The following DNAH6 variants were observed in gnomAD, a reference collection of about 807,000 sequenced individuals.
DNAH6 encodes axonemal beta dynein heavy chain 6.
In DNAH6, 340 loss-of-function variants were observed where a neutral mutation model predicts 491.4. The ratio of observed to expected loss-of-function variants is 0.69; its 90% confidence interval spans 0.63 to 0.76. The LOEUF (loss-of-function observed/expected upper bound fraction) is 0.76. Among genes scored for constraint, DNAH6 ranks in the 30% least tolerant of loss-of-function variants. The probability of loss-of-function intolerance (pLI) is 0.00; values close to 1 mark genes in which losing one functional copy is unlikely to be tolerated. For synonymous variants in DNAH6, 1,603 were observed against 1,686.1 expected (o/e 0.95, Z 1.21); for missense variants, 4,443 against 4,972.2 (o/e 0.89, Z 3.20).
Position 84,814,093 on chromosome 2 carries a change from T to G in DNAH6, c.12121T>G (p.Phe4041Val), listed in dbSNP as rs983757062. The change falls in exon 75 of 77, where the codon TTT (phenylalanine) becomes GTT (valine). Residue 4041 changes from phenylalanine (F) to valine (V), a missense_variant. Physicochemically the swap from Phe to Val is conservative, Grantham distance 50. Around this residue, in one of 3 missense-constraint regions of DNAH6, gnomAD observed 1,463 missense variants for 1,656.6 expected, o/e 0.88. Coordinates refer to ENST00000389394, the MANE Select transcript of DNAH6 (RefSeq NM_001370.2). ...GATAGAAGCTGCCAAGACAGTGCAA[T>G]TTGGACAAGAACTGCCCATGGACAT... is the stretch of plus-strand genomic sequence containing the variant. ...AVIEAAKTVQ[F>V]GQELPMDMEL... is the part of the protein sequence containing the mutation. 6.4e-7 allele frequency: 1 copy of G among 1,551,692 alleles called. No individual in the cohort carries two copies. Among genetic ancestry groups the G allele is most frequent in the Admixed American group, 2.0e-5 (1 of 51,010 alleles).
At chr2:84,508,487 T>C in the DNAH6 span, among the ~76,000 whole-genome samples, 14,262 of 152,250 alleles carry the variant, frequency 0.094, 789 homozygotes, top group Non-Finnish European at 0.12. Context: ...GCTAGCGGCC[T>C]ATGAATTTTG....
At chr2:84,752,613 C>G (rs994726146) in intron 63 of DNAH6, among the ~76,000 whole-genome samples, 39 of 151,870 alleles carry the variant, frequency 2.6e-4, no homozygotes, top group Admixed American at 2.3e-3. Context: ...CGTCATCCCC[C>G]AGTGCCATCA....
At chr2:84,793,409 G>C (rs185816637) in intron 68 of DNAH6, among the ~76,000 whole-genome samples, 2 of 152,188 alleles carry the variant, frequency 1.3e-5, no homozygotes, top group African/African-American at 2.4e-5. Flanking sequence ...CTGTTGATTT[G>C]TAAGGAAAAC....
intron 60 of DNAH6, among the ~76,000 whole-genome samples, chr2:84,725,099 T>C (rs1293051245): frequency 6.6e-6 from 1 of 152,212 alleles, no homozygotes; most frequent in East Asian, 1.9e-4. Context: ...ACCAATCCCA[T>C]ATCCCCAATG....
chr2:84,710,337 T>A lies in DNAH6; in HGVS notation c.9303T>A (p.Ile3101=). 1 of 1,551,734 alleles carries A rather than the reference T, an allele frequency of 6.4e-7. No individual in the cohort carries two copies. The highest frequency in any genetic ancestry group is 8.7e-7 in the Non-Finnish European group (1 of 1,146,988). ...AAAGCAAAAGTGGTTTAAAGATCAT[T>A]AAGCTTACAGATAGTAATTTCTTAC... The part of the protein sequence containing the change: ...NKESKSGLKI[I]KLTDSNFLRI... The change falls in exon 56 of 77, where the codon ATT becomes ATA. Residue 3101 remains isoleucine, a synonymous_variant. Coordinates refer to ENST00000389394, the MANE Select transcript of DNAH6 (RefSeq NM_001370.2).
intron 62 of DNAH6, among the ~76,000 whole-genome samples, chr2:84,738,515 C>G (rs945621639): frequency 2.0e-5 from 3 of 152,132 alleles, no homozygotes; most frequent in African/African-American, 4.8e-5. Flanking sequence ...TTTTATAAGT[C>G]TGGGTACTCC....
chr2:84,746,066 A>C (rs1284902402), intron 63 of DNAH6, among the ~76,000 whole-genome samples: 1 of 152,222 alleles, frequency 6.6e-6, no homozygotes, highest in Non-Finnish European at 1.5e-5. Context: ...GCCAACAACT[A>C]AGCAAATGAG....
intron 33 of DNAH6, among the ~76,000 whole-genome samples, chr2:84,644,404 C>G (rs1362492450): frequency 2.0e-5 from 3 of 152,078 alleles, no homozygotes; most frequent in Non-Finnish European, 2.9e-5. Flanking sequence ...GATTTCTTTT[C>G]TTTTTCAAAT....
Position 84,658,321 on chromosome 2 carries a change from G to C in DNAH6, c.5787G>C (p.Leu1929Phe). 6.5e-7 allele frequency: 1 copy of C among 1,539,488 alleles called. No individual in the cohort carries two copies. Among genetic ancestry groups the C allele is most frequent in the Non-Finnish European group, 8.8e-7 (1 of 1,141,586 alleles). Residue 1929 changes from leucine (L) to phenylalanine (F), a missense_variant, in exon 36 of 77, where the codon TTG becomes TTC. By Grantham distance (22) the Leu-to-Phe change is conservative (BLOSUM62 0). Coordinates refer to ENST00000389394, the MANE Select transcript of DNAH6 (RefSeq NM_001370.2). ...CTGAGGAAACCCAAGAATATATATT[G>C]AATCTTTTCCAACGTTATGTTGATG... ...KLTEETQEYI[L>F]NLFQRYVDEG...
At chr2:84,753,418 G>A (rs1037098238) in intron 63 of DNAH6, among the ~76,000 whole-genome samples, 1 of 150,806 alleles carries the variant, frequency 6.6e-6, no homozygotes, top group African/African-American at 2.4e-5. Flanking sequence ...TTCTTCTGTT[G>A]CTTGTGCTTT....
intron 64 of DNAH6, among the ~76,000 whole-genome samples, chr2:84,773,526 C>T (rs1214978297): frequency 6.6e-6 from 1 of 152,018 alleles, no homozygotes; most frequent in Non-Finnish European, 1.5e-5. Flanking sequence ...ATTGTGAATA[C>T]TGCAAGTGCA....
In DNAH6 at chr2:84,595,930, T is replaced by C. The variant is rs941845252; in HGVS notation, c.2868+141T>C. 2.7e-5 allele frequency: 26 copies of C among 971,538 alleles called. No individual in the cohort carries two copies. The African/African-American group carries it at 3.7e-4, about 14-fold the overall frequency. 60.2% of individuals were successfully genotyped at this position (971,538 alleles called of 1,614,324 possible). Reference sequence around the variant, plus strand: ...AAAAACAATAGTCAAATTCATTTTTTTGCAGTGGCACAGACTGCATTCCTG... The same window carrying C: ...AAAAACAATAGTCAAATTCATTTTTCTGCAGTGGCACAGACTGCATTCCTG... On this transcript the variant is annotated intron_variant, in intron 18 of 76. Coordinates refer to ENST00000389394, the MANE Select transcript of DNAH6 (RefSeq NM_001370.2).
intron 33 of DNAH6, among the ~76,000 whole-genome samples, chr2:84,643,986 G>A (rs1278334020): frequency 6.6e-6 from 1 of 151,996 alleles, no homozygotes; most frequent in East Asian, 1.9e-4. Flanking sequence ...TGGACATGAT[G>A]TACTGGTTAA....
intron 11 of DNAH6, among the ~76,000 whole-genome samples, chr2:84,571,157 G>C: frequency 6.6e-6 from 1 of 152,208 alleles, no homozygotes; most frequent in East Asian, 1.9e-4. Flanking sequence ...GAATGAGTGA[G>C]AAGAGAAAGT....
chr2:84,722,111 T>A (rs1331616114), intron 59 of DNAH6, among the ~76,000 whole-genome samples: 2 of 152,210 alleles, frequency 1.3e-5, no homozygotes, highest in Non-Finnish European at 2.9e-5. Context: ...CTATCCCATA[T>A]GTCTATACCT....
chr2:84,616,761 A>G (rs1194422564), intron 22 of DNAH6, 125 bp from the exon 23 acceptor site: 3 of 482,448 alleles, frequency 6.2e-6, no homozygotes, highest in Non-Finnish European at 1.1e-5. Context: ...TTTTTATAAG[A>G]GTTTTATTAA....
rs570227860 is a variant in DNAH6 at position 84,723,092 on chromosome 2, G to C, written c.9972+288G>C. On this transcript the variant is annotated intron_variant, in intron 60 of 76. Transcript: ENST00000389394. ...AAAATACAAAAATTAGCCAGGCGTG[G>C]TGGCAGGTGCCTGTAATCCCAGCTA... is the stretch of plus-strand genomic sequence containing the variant. Among the ~76,000 whole-genome samples the C allele has an allele frequency of 3.3e-5, 5 of 152,260 alleles. No individual in the cohort carries two copies. In the South Asian group the frequency reaches 1.0e-3, roughly 32 times the overall value.
At chr2:84,656,591 G>A (rs1209531960) in intron 35 of DNAH6, among the ~76,000 whole-genome samples, 2 of 151,998 alleles carry the variant, frequency 1.3e-5, no homozygotes, top group East Asian at 3.8e-4. Flanking sequence ...ATTTCATGAG[G>A]TGCCTATTAA....
the DNAH6 span, among the ~76,000 whole-genome samples, chr2:84,478,978 C>T: frequency 6.6e-6 from 1 of 152,078 alleles, no homozygotes; most frequent in Non-Finnish European, 1.5e-5. Context: ...TTGGACTCCT[C>T]TCTGATGCTA....
Sources: gnomAD v4.1 joint callset for allele counts (sites outside exome capture counted in the v4.1 genomes callset) on GRCh38, gnomAD v4.1.1 for gene constraint, gnomAD v4.1.1 regional missense constraint, MANE v1.5 for transcripts, NCBI Gene and HGNC (gene_info 2026-07-23, HGNC 2026-07-21) for gene names.